Variants in ALDOB observed in about 807,000 individuals in gnomAD.
The protein encoded by ALDOB is fructose-bisphosphate aldolase B.
ALDOB carries 39 observed loss-of-function variants against 41.0 expected under a neutral mutation model. The ratio of observed to expected loss-of-function variants is 0.95; its 90% CI spans 0.74 to 1.24. The LOEUF (loss-of-function observed/expected upper bound fraction) is 1.24, where lower values mean the gene tolerates loss of function less well. Among genes scored for constraint, ALDOB ranks in the 50% most tolerant of loss-of-function variants. The pLI, the probability that ALDOB is intolerant of heterozygous loss-of-function variation, is 0.00. For synonymous variants in ALDOB, 175 were observed against 168.8 expected (o/e 1.04, Z -0.28); for missense variants, 530 against 457.3 (o/e 1.16, Z -1.45).
At chr9:101,428,101 C>T (rs1831157112) in intron 4 of ALDOB, among the ~76,000 whole-genome samples, 1 of 152,272 alleles carries the variant, frequency 6.6e-6, no homozygotes, top group African/African-American at 2.4e-5. Context: ...GTGTGTCTGA[C>T]CTCAAAGTGT....
In ALDOB at chr9:101,426,583, A is replaced by G; in HGVS notation, c.596T>C (p.Leu199Pro). ...PEVIPDGDHD[L>P]EHCQYVTEKV... ...CTCAGTAACATACTGGCAGTGTTCC[A>G]GGTCATGGTCTCCATCAGGAATTAC... Residue 199 changes from leucine to proline, a missense_variant, in exon 6 of 9, where the codon CTG (leucine) becomes CCG (proline). By Grantham distance (98) the Leu-to-Pro change is moderately conservative (BLOSUM62 -3). Coordinates refer to ENST00000647789, the MANE Select transcript of ALDOB (RefSeq NM_000035.4). The G allele has an allele frequency of 6.2e-7, 1 of 1,612,690 alleles. No homozygotes were observed. Among genetic ancestry groups the G allele is most frequent in the Non-Finnish European group, 8.5e-7 (1 of 1,178,666 alleles).
chr9:101,427,199 C>T (rs1045418161), intron 5 of ALDOB, among the ~76,000 whole-genome samples: 1 of 152,132 alleles, frequency 6.6e-6, no homozygotes, highest in Admixed American at 6.5e-5. Flanking sequence ...GTTCCCTGCC[C>T]TCAAAAGCCC....
At chr9:101,424,781 G>T in intron 8 of ALDOB, 62 bp downstream of exon 8, 1 of 1,585,968 alleles carries the variant, frequency 6.3e-7, no homozygotes, top group Non-Finnish European at 8.6e-7. Flanking sequence ...GCTTCTCCGT[G>T]TTGGAAAGTC....
At chr9:101,428,286 A>C (rs1831159806) in intron 4 of ALDOB, among the ~76,000 whole-genome samples, 183 bp downstream of exon 4, 1 of 152,224 alleles carries the variant, frequency 6.6e-6, no homozygotes, top group Non-Finnish European at 1.5e-5. Context: ...TGAGGCTCAC[A>C]ATATTTCAGT....
chr9:101,430,229 C>G lies in ALDOB; in HGVS notation c.113-263G>C, dbSNP rs1831197758. Among the ~76,000 whole-genome samples the G allele has an allele frequency of 2.0e-5, 3 of 152,282 alleles. 1 individual carries two copies. In the East Asian group the frequency reaches 5.8e-4, roughly 30 times the overall value. ...GGTCCAGGTGGATATGGAAGGCCCT[C>G]AGGCCTCTCTAGCCTCCCTGATCTG... On this transcript the variant is annotated intron_variant, in intron 2 of 8. Transcript: ENST00000647789.
At chr9:101,421,953 CA>C in intron 8 of ALDOB, 49 bp from the exon 9 acceptor site, 1 of 1,480,732 alleles carries the variant, frequency 6.8e-7, no homozygotes, top group South Asian at 1.2e-5. Context: ...AATGTGACCC[CA>C]CCTTGACCCT....
intron 2 of ALDOB, 64 bp from the exon 3 acceptor site, chr9:101,430,030 A>C: frequency 7.2e-7 from 1 of 1,383,902 alleles, no homozygotes; most frequent in Non-Finnish European, 1.0e-6. Flanking sequence ...ACCCTTCTCC[A>C]CATCATCTCA....
At chr9:101,433,633 C>T (rs1389302761) in intron 1 of ALDOB, among the ~76,000 whole-genome samples, 1 of 152,064 alleles carries the variant, frequency 6.6e-6, no homozygotes, top group African/African-American at 2.4e-5. Context: ...ATATACTGTC[C>T]TCCTATTTTT....
At chr9:101,431,479 T>C (rs1831218299) in intron 1 of ALDOB, among the ~76,000 whole-genome samples, 1 of 152,352 alleles carries the variant, frequency 6.6e-6, no homozygotes, top group Non-Finnish European at 1.5e-5. Context: ...CAACCCTCTA[T>C]GAAACCACTT....
rs864309533 is a variant in ALDOB, at chr9:101,424,976, AG to A, written c.865del (p.Leu289PhefsTer10). On this transcript the variant is annotated frameshift_variant, in exon 8 of 9. Coordinates refer to ENST00000647789, the MANE Select transcript of ALDOB (RefSeq NM_000035.4). LOFTEE classifies it high-confidence loss of function. ...DATLNLNAIN[L>X]CPLPKPWKLS... ...TTTCCAGGGCTTTGGTAGAGGGCAA[AG>A]GTTGATAGCATTGAGGTTGAGAGTG... 8 of 1,614,094 alleles carry A rather than the reference AG, an allele frequency of 5.0e-6. No homozygotes were observed. The highest frequency in any genetic ancestry group is 3.3e-4 in the Middle Eastern group (2 of 6,082).
intron 8 of ALDOB, 120 bp downstream of exon 8, chr9:101,424,723 C>A (rs2118341333): frequency 2.5e-6 from 3 of 1,217,498 alleles, no homozygotes; most frequent in Non-Finnish European, 3.6e-6. Context: ...TTTTCAAATG[C>A]CTAATAGACA....
At chr9:101,434,387 TC>T (rs1831261754) in intron 1 of ALDOB, among the ~76,000 whole-genome samples, 1 of 152,248 alleles carries the variant, frequency 6.6e-6, no homozygotes. Flanking sequence ...ATGGTATGGT[TC>T]TTTCTGCCTT....
chr9:101,435,195 G>A (rs186557877), intron 1 of ALDOB, among the ~76,000 whole-genome samples: 17 of 152,298 alleles, frequency 1.1e-4, no homozygotes, highest in African/African-American at 4.1e-4. Flanking sequence ...GTGGGTGAAG[G>A]CGAAGGGCAA....
At chr9:101,434,665 G>T (rs1174537725) in intron 1 of ALDOB, among the ~76,000 whole-genome samples, 2 of 152,228 alleles carry the variant, frequency 1.3e-5, no homozygotes, top group Admixed American at 6.5e-5. Context: ...ATCTAGGGCA[G>T]TCCTAGGACA....
intron 1 of ALDOB, 21 bp from the exon 2 acceptor site, chr9:101,430,918 G>C: frequency 6.5e-7 from 1 of 1,534,750 alleles, no homozygotes. Flanking sequence ...GTGTGCGAGA[G>C]TTGTGCACAG....
intron 2 of ALDOB, among the ~76,000 whole-genome samples, chr9:101,430,221 A>C (rs1358642884): frequency 6.6e-6 from 1 of 152,118 alleles, no homozygotes; most frequent in Non-Finnish European, 1.5e-5. Context: ...GTGGATATGG[A>C]AGGCCCTCAG....
chr9:101,424,903 G>C lies in ALDOB; in HGVS notation c.939C>G (p.Ala313=). Residue 313 remains alanine (A), a synonymous_variant, in exon 8 of 9, where the codon GCC becomes GCG. Transcript: ENST00000647789. Reference sequence around the variant, plus strand: ...CCTTGTTTGCAGCCTTGCCACCCCAGGCAGCCAGTGCACTGGCCTGCAGGG... The same window carrying C: ...CCTTGTTTGCAGCCTTGCCACCCCACGCAGCCAGTGCACTGGCCTGCAGGG... ...GRALQASALA[A]WGGKAANKEA... is the part of the protein sequence containing the mutation. 6.2e-7 allele frequency: 1 copy of C among 1,614,064 alleles called. No individual in the cohort carries two copies. The highest frequency in any genetic ancestry group is 8.5e-7 in the Non-Finnish European group (1 of 1,180,036).
Position 101,425,547 on chromosome 9 carries a change from A to C in ALDOB, c.705T>G (p.Thr235=). ...ACTTCTTGGTGCAGGCATGTCCAGCAGTCACCATGTTGGGCTTTAGCAGGG... is the reference window on the plus strand; with the variant it reads ...ACTTCTTGGTGCAGGCATGTCCAGCCGTCACCATGTTGGGCTTTAGCAGGG... ...EGTLLKPNMV[T]AGHACTKKYT... is the part of the protein sequence containing the mutation. Residue 235 remains threonine (T), a synonymous_variant, in exon 7 of 9, where the codon ACT becomes ACG. Transcript: ENST00000647789. The C allele has an allele frequency of 6.8e-6, 11 of 1,614,198 alleles. No individual in the cohort carries two copies. Among genetic ancestry groups the C allele is most frequent in the Non-Finnish European group, 9.3e-6 (11 of 1,180,036 alleles).
Position 101,429,934 on chromosome 9 carries a change from C to A in ALDOB, c.145G>T (p.Val49Leu). Residue 49 changes from valine (V) to leucine (L), a missense_variant, in exon 3 of 9, where the codon GTG becomes TTG. By Grantham distance (32) the Val-to-Leu change is conservative. Transcript: ENST00000647789. ...TMGNRLQRIK[V>L]ENTEENRRQF... is the part of the protein sequence containing the mutation. The stretch of plus-strand genomic sequence containing the variant: ...CGGCGGTTCTCTTCAGTGTTTTCCA[C>A]CTTGATCCTCTGCAGGCGGTTCCCC... 1 of 1,614,130 alleles carries A rather than the reference C, an allele frequency of 6.2e-7. No individual in the cohort carries two copies.
Sources: allele counts gnomAD v4.1 joint callset (sites outside exome capture counted in the v4.1 genomes callset), GRCh38; gene constraint gnomAD v4.1.1; transcripts MANE v1.5; gene names NCBI Gene and HGNC (gene_info 2026-07-23, HGNC 2026-07-21).